Variants in FRMD4A observed in about 807,000 individuals in gnomAD.
FRMD4A encodes the protein FERM domain-containing protein 4A.
FRMD4A carries 29 observed loss-of-function variants against 129.1 expected under a neutral mutation model. That is an observed-to-expected ratio of 0.22 (90% CI 0.17 to 0.31). FRMD4A has a LOEUF of 0.31. Among genes scored for constraint, FRMD4A ranks in the 10% least tolerant of loss-of-function variants. The probability of loss-of-function intolerance (pLI) is 1.00; values close to 1 mark genes in which losing one functional copy is unlikely to be tolerated. For missense variants in FRMD4A, 1,272 were observed against 1,375.8 expected (o/e 0.92, Z 1.19); for synonymous variants, 634 against 571.6 (o/e 1.11, Z -1.56).
intron 2 of FRMD4A, among the ~76,000 whole-genome samples, chr10:13,923,757 T>C (rs373817409): frequency 4.6e-5 from 7 of 152,328 alleles, no homozygotes; most frequent in Middle Eastern, 3.4e-3. Flanking sequence ...TTTCATCTTA[T>C]TGGTGCTAGC....
Position 14,189,861 on chromosome 10 carries a change from T to C in FRMD4A, c.45+140197A>G, listed in dbSNP as rs550213455. On this transcript the variant is annotated intron_variant, in intron 2 of 24. Coordinates refer to ENST00000357447, the MANE Select transcript of FRMD4A (RefSeq NM_018027.5). ...GAACAATGGCAAAAGTGTTGGGAAT[T>C]TGAGTCGGCCTCAGTAGGAAAATCC... Among the ~76,000 whole-genome samples the C allele has an allele frequency of 1.0e-3, 153 of 152,292 alleles. 1 individual carries two copies. The highest frequency in any genetic ancestry group is 3.5e-3 in the African/African-American group (147 of 41,560).
chr10:13,783,109 C>T, intron 5 of FRMD4A, 103 bp from the exon 6 acceptor site: 1 of 697,122 alleles, frequency 1.4e-6, no homozygotes, highest in Non-Finnish European at 2.6e-6. Flanking sequence ...CATTCCCCAT[C>T]CTAAATAAAC....
At chr10:13,828,583 A>C in intron 3 of FRMD4A, among the ~76,000 whole-genome samples, 1 of 141,590 alleles carries the variant, frequency 7.1e-6, no homozygotes, top group East Asian at 2.1e-4. Flanking sequence ...CCCAGGCTGG[A>C]GTGCAATGGC....
At chr10:14,114,767 G>C (rs906771981) in intron 2 of FRMD4A, among the ~76,000 whole-genome samples, 4 of 152,150 alleles carry the variant, frequency 2.6e-5, no homozygotes, top group Non-Finnish European at 4.4e-5. Flanking sequence ...GGGTGTCTAG[G>C]CTTAAGCCCC....
chr10:13,739,991 T>A (rs567661969), intron 11 of FRMD4A, among the ~76,000 whole-genome samples: 1 of 152,214 alleles, frequency 6.6e-6, no homozygotes, highest in African/African-American at 2.4e-5. Flanking sequence ...TCCCAGCTAC[T>A]CAGGAGGCTG....
chr10:14,024,647 T>C (rs1470307577), intron 2 of FRMD4A, among the ~76,000 whole-genome samples: 1 of 152,150 alleles, frequency 6.6e-6, no homozygotes, highest in Admixed American at 6.5e-5. Context: ...ACTCTAATAA[T>C]GGTGCTATGG....
chr10:13,796,487 T>A lies in FRMD4A; in HGVS notation c.299+9A>T, dbSNP rs1473364231. 7.5e-7 allele frequency: 1 copy of A among 1,324,846 alleles called. No individual in the cohort carries two copies. 82.1% of individuals were successfully genotyped at this position (1,324,846 alleles called of 1,614,324 possible). A position where few individuals can be genotyped will look rare whatever the true frequency, so the allele number is the denominator to read the frequency against. ...AAGAAGCAAAAGTATAGACACCAGG[T>A]GTACATACCTGACACAAAAGTATAA... On this transcript the variant is annotated intron_variant, in intron 5 of 24. Coordinates refer to ENST00000357447, the MANE Select transcript of FRMD4A (RefSeq NM_018027.5).
At chr10:13,894,194 A>G (rs980720998) in intron 2 of FRMD4A, among the ~76,000 whole-genome samples, 1 of 152,184 alleles carries the variant, frequency 6.6e-6, no homozygotes, top group African/African-American at 2.4e-5. Flanking sequence ...ATCTTTCACC[A>G]GGATGTCTCC....
At chr10:14,071,698 G>A (rs868542326) in intron 2 of FRMD4A, among the ~76,000 whole-genome samples, 1 of 152,124 alleles carries the variant, frequency 6.6e-6, no homozygotes, top group Admixed American at 6.5e-5. Flanking sequence ...GGGCTTGGGT[G>A]TTCTTGGTGG....
chr10:14,128,196 G>A (rs1014286681), intron 2 of FRMD4A, among the ~76,000 whole-genome samples: 10 of 150,582 alleles, frequency 6.6e-5, no homozygotes, highest in South Asian at 2.1e-4. Context: ...ATCCACTTCC[G>A]GGCCTCAAGC....
At chr10:14,139,972 C>A (rs1415118040) in intron 2 of FRMD4A, among the ~76,000 whole-genome samples, 1 of 152,114 alleles carries the variant, frequency 6.6e-6, no homozygotes, top group East Asian at 1.9e-4. Context: ...CTTTATAATT[C>A]ACATTAAATC....
intron 11 of FRMD4A, among the ~76,000 whole-genome samples, chr10:13,739,564 T>C (rs1189748499): frequency 1.3e-5 from 2 of 152,252 alleles, no homozygotes; most frequent in African/African-American, 4.8e-5. Context: ...TCACAAGCCC[T>C]GCTTTTGATC....
chr10:13,821,070 A>C lies in FRMD4A; in HGVS notation c.112-10162T>G, dbSNP rs11258647. ...TCACTGTGTGTCCCTCTCCATCCCCATGGGGGCTCTGAGCCCAGCAATGGC... is the reference window on the plus strand; with the variant it reads ...TCACTGTGTGTCCCTCTCCATCCCCCTGGGGGCTCTGAGCCCAGCAATGGC... On this transcript the variant is annotated intron_variant, in intron 3 of 24. Coordinates refer to ENST00000357447, the MANE Select transcript of FRMD4A (RefSeq NM_018027.5). The surrounding 1 kb of genome is among the most constrained non-coding windows in gnomAD (Gnocchi z 4.3). 0.14 allele frequency among the ~76,000 whole-genome samples: 20,575 copies of C among 152,126 alleles called. 1,684 individuals are homozygous for C. Among genetic ancestry groups the C allele is most frequent in the East Asian group, 0.32 (1,680 of 5,172 alleles).
At chr10:13,876,005 A>T (rs1418883) in intron 2 of FRMD4A, among the ~76,000 whole-genome samples, 124,901 of 152,256 alleles carry the variant, frequency 0.82, 51,307 homozygotes, top group East Asian at 0.98. Flanking sequence ...CAGAAGATAC[A>T]TTCGGATTCA....
chr10:14,215,916 T>C (rs1843060615), intron 2 of FRMD4A, among the ~76,000 whole-genome samples: 1 of 152,116 alleles, frequency 6.6e-6, no homozygotes, highest in Admixed American at 6.5e-5. Context: ...GGAAATAATC[T>C]TTACTCTCCT....
chr10:14,131,405 G>A (rs1261127863), intron 2 of FRMD4A, among the ~76,000 whole-genome samples: 2 of 98,890 alleles, frequency 2.0e-5, no homozygotes, highest in Admixed American at 8.7e-5. Context: ...TGCCCCCCCC[G>A]GCCGCCCTGT....
intron 2 of FRMD4A, among the ~76,000 whole-genome samples, chr10:13,932,879 G>T (rs1251547111): frequency 6.6e-6 from 1 of 152,066 alleles, no homozygotes; most frequent in Non-Finnish European, 1.5e-5. Context: ...ATTTCTGAAA[G>T]GCTGGGTGCG....
At chr10:13,857,625 G>T (rs1044174876) in intron 3 of FRMD4A, among the ~76,000 whole-genome samples, 4 of 152,152 alleles carry the variant, frequency 2.6e-5, no homozygotes, top group Non-Finnish European at 5.9e-5. Context: ...AACGCAAGAC[G>T]AAAGTGTCTG....
intron 3 of FRMD4A, among the ~76,000 whole-genome samples, chr10:13,814,612 G>A (rs938589436): frequency 0.033 from 2,731 of 82,396 alleles, 16 homozygotes; most frequent in Non-Finnish European, 0.038. Flanking sequence ...AAAAAAGAAA[G>A]AAAGGGAAAG....
Sources: gnomAD v4.1 joint callset for allele counts (sites outside exome capture counted in the v4.1 genomes callset) on GRCh38, gnomAD v4.1.1 for gene constraint, Gnocchi (gnomAD v3.1) non-coding constraint, MANE v1.5 for transcripts, NCBI Gene and HGNC (gene_info 2026-07-23, HGNC 2026-07-21) for gene names.